The following SPG11 variants were observed in gnomAD, a reference collection of about 807,000 sequenced individuals.
The protein encoded by SPG11 is spatacsin.
SPG11 carries 222 observed loss-of-function variants against 274.0 expected under a neutral mutation model. That is an observed-to-expected ratio of 0.81 (90% CI 0.73 to 0.91). The LOEUF (loss-of-function observed/expected upper bound fraction) is 0.91, where lower values mean the gene tolerates loss of function less well. Ranked by LOEUF, SPG11 falls within the 40% of genes least tolerant of loss-of-function variation. The pLI is 0.00. For missense variants in SPG11, 3,114 were observed against 2,872.7 expected (o/e 1.08, Z -1.92); for synonymous variants, 1,144 against 1,039.7 (o/e 1.10, Z -1.93).
At chr15:44,573,379 A>G in intron 32 of SPG11, 168 bp downstream of exon 32, 1 of 717,258 alleles carries the variant, frequency 1.4e-6, no homozygotes, top group African/African-American at 1.8e-5. Flanking sequence ...TGTATTTTGT[A>G]AAAAATAAAG....
intron 2 of SPG11, among the ~76,000 whole-genome samples, chr15:44,659,998 T>C (rs368079031): frequency 4.6e-5 from 7 of 152,254 alleles, no homozygotes; most frequent in African/African-American, 1.4e-4. Flanking sequence ...GAGGCGAAGG[T>C]TGCAGTGAGC....
In SPG11 at chr15:44,595,466, C is replaced by T. The variant is rs199685245; in HGVS notation, c.4435-7G>A. 18 of 1,613,588 alleles carry T rather than the reference C, an allele frequency of 1.1e-5. No individual in the cohort carries two copies. Among genetic ancestry groups the T allele is most frequent in the East Asian group, 2.2e-5 (1 of 44,880 alleles). ...AAGAAATGGCACTGGCACCCTGCCA[C>T]GGGATAAATAAAATAACAACTAGGC... is the stretch of plus-strand genomic sequence containing the variant. On this transcript the variant is annotated splice_polypyrimidine_tract_variant and splice_region_variant and intron_variant, in intron 25 of 39. Coordinates refer to ENST00000261866, the MANE Select transcript of SPG11 (RefSeq NM_025137.4).
chr15:44,598,665 T>C lies in SPG11; in HGVS notation c.3858A>G (p.Glu1286=). The C allele has an allele frequency of 1.2e-6, 2 of 1,614,216 alleles. No individual in the cohort carries two copies. The highest frequency in any genetic ancestry group is 1.7e-6 in the Non-Finnish European group (2 of 1,180,040). The change falls in exon 22 of 40, where the codon GAA becomes GAG. Residue 1286 remains glutamate, a synonymous_variant. Transcript: ENST00000261866. ...CTCTGATAAAGCTGTACTGAGCATC[T>C]TCATTTCTGCACTTGTAGCTCAAAA... ...NIILSYKCRN[E]DAQYSFIRES...
rs771538317 is a variant in SPG11, at chr15:44,615,505, G to T, written c.2896C>A (p.Arg966Ser). 1.2e-6 allele frequency: 2 copies of T among 1,613,980 alleles called. No individual in the cohort carries two copies. Among genetic ancestry groups the T allele is most frequent in the Non-Finnish European group, 1.7e-6 (2 of 1,179,988 alleles). ...DFECFLLRLS[R>S]IGGVIQDTLP... ...GTATCCTGTATTACACCTCCAATAC[G>T]GCTCAGTCTTAGGAGGAAGCATTCA... is the stretch of plus-strand genomic sequence containing the variant. The change falls in exon 16 of 40, where the codon CGT (arginine) becomes AGT (serine). Residue 966 changes from arginine to serine, a missense_variant. Arg to Ser is a moderately radical substitution (Grantham distance 110, BLOSUM62 -1). Coordinates refer to ENST00000261866, the MANE Select transcript of SPG11 (RefSeq NM_025137.4).
At chr15:44,610,720 A>G in intron 18 of SPG11, 120 bp downstream of exon 18, 2 of 1,062,862 alleles carry the variant, frequency 1.9e-6, no homozygotes, top group East Asian at 5.2e-5. Flanking sequence ...TCTGCTCTTT[A>G]ATCTAATGAA....
Position 44,563,300 on chromosome 15 carries a change from A to G in SPG11, c.7153T>C (p.Tyr2385His), listed in dbSNP as rs1386550783. The change falls in exon 40 of 40, where the codon TAT (tyrosine) becomes CAT (histidine). Residue 2385 changes from tyrosine to histidine, a missense_variant and splice_region_variant. Coordinates refer to ENST00000261866, the MANE Select transcript of SPG11 (RefSeq NM_025137.4). The stretch of plus-strand genomic sequence containing the variant: ...ATGTCAGTAGGCTGATGTTGTTTAT[A>G]TCTAGATAAAGAAACATAATGTACA... ...SSIFEEISKK[Y>H]KQHQPTDMVM... 4 of 1,611,592 alleles carry G rather than the reference A, an allele frequency of 2.5e-6. No individual in the cohort carries two copies. Among genetic ancestry groups the G allele is most frequent in the Non-Finnish European group, 3.4e-6 (4 of 1,177,942 alleles).
Position 44,657,092 on chromosome 15 carries a change from T to C in SPG11, c.869+3A>G. On this transcript the variant is annotated splice_donor_region_variant and intron_variant, in intron 4 of 39. Coordinates refer to ENST00000261866, the MANE Select transcript of SPG11 (RefSeq NM_025137.4). ...AAATTAGAAACTGCAGTCATCTACA[T>C]ACCTGAAATACAAATTTAAGTTAAG... 3 of 1,613,488 alleles carry C rather than the reference T, an allele frequency of 1.9e-6. No individual in the cohort carries two copies. The highest frequency in any genetic ancestry group is 1.3e-5 in the African/African-American group (1 of 75,038).
Position 44,615,416 on chromosome 15 carries a change from A to C in SPG11, c.2985T>G (p.Tyr995Ter). 1.2e-6 allele frequency: 2 copies of C among 1,614,114 alleles called. No homozygotes were observed. The highest frequency in any genetic ancestry group is 1.7e-6 in the Non-Finnish European group (2 of 1,180,006). Residue 995 changes from tyrosine (Y) to a stop codon, truncating the protein, a stop_gained, in exon 16 of 40, where the codon TAT (tyrosine) becomes TAG (stop). Coordinates refer to ENST00000261866, the MANE Select transcript of SPG11 (RefSeq NM_025137.4). LOFTEE classifies it high-confidence loss of function. ...GATGCTGCAGACTGTGCTCCAAACA[A>C]TAGAGAATGAATTGAGAATGGAAAT... ...GWDFHSQFIL[Y>*]CLEHSLQHLL...
chr15:44,625,010 C>T (rs2083858687), intron 11 of SPG11, among the ~76,000 whole-genome samples: 1 of 151,884 alleles, frequency 6.6e-6, no homozygotes. Flanking sequence ...GTGGCGCATG[C>T]TGTAAACCCA....
chr15:44,598,243 G>T, intron 23 of SPG11, 22 bp downstream of exon 23: 1 of 1,567,674 alleles, frequency 6.4e-7, no homozygotes, highest in South Asian at 1.1e-5. Flanking sequence ...TAGAAAAGAG[G>T]CTGAGACTGC....
chr15:44,597,040 T>C (rs532905545), intron 23 of SPG11, 97 bp from the exon 24 acceptor site: 10 of 1,174,112 alleles, frequency 8.5e-6, no homozygotes, highest in Non-Finnish European at 1.2e-5. Flanking sequence ...AAAAATGATA[T>C]AAATTAAAGC....
intron 7 of SPG11, among the ~76,000 whole-genome samples, chr15:44,646,817 C>T (rs1203841937): frequency 6.6e-6 from 1 of 151,994 alleles, no homozygotes; most frequent in Non-Finnish European, 1.5e-5. Context: ...GACACTGGGG[C>T]TTACTTGAGG....
chr15:44,598,957 C>T, intron 21 of SPG11, 121 bp from the exon 22 acceptor site: 1 of 1,005,594 alleles, frequency 9.9e-7, no homozygotes, highest in Non-Finnish European at 1.5e-6. Context: ...GGCCTCCTCT[C>T]CCTTACCTTT....
At chr15:44,604,199 T>TAAAA in intron 20 of SPG11, 5 of 357,328 alleles carry the variant, frequency 1.4e-5, no homozygotes, top group Non-Finnish European at 2.2e-5. Flanking sequence ...ACCTGATTCC[T>TAAAA]AAAAAAAAAA....
chr15:44,567,325 T>C, intron 36 of SPG11, 99 bp downstream of exon 36: 2 of 1,346,454 alleles, frequency 1.5e-6, no homozygotes, highest in Non-Finnish European at 2.0e-6. Context: ...CACTCCAGCC[T>C]GGGGACAGAG....
intron 20 of SPG11, among the ~76,000 whole-genome samples, chr15:44,604,667 G>A (rs2083274604): frequency 6.6e-6 from 1 of 151,996 alleles, no homozygotes; most frequent in African/African-American, 2.4e-5. Context: ...GGTGGCTCAC[G>A]CCTGTAATCC....
intron 26 of SPG11, 89 bp downstream of exon 26, chr15:44,595,170 A>C: frequency 7.5e-7 from 1 of 1,336,892 alleles, no homozygotes. Context: ...CTAAAAAAAA[A>C]TCCAGGGATG....
At chr15:44,570,174 GACTT>G (rs970921370) in intron 34 of SPG11, among the ~76,000 whole-genome samples, 3 of 152,284 alleles carry the variant, frequency 2.0e-5, no homozygotes, top group Non-Finnish European at 2.9e-5. Flanking sequence ...CTGAGTTGCC[GACTT>G]ACTTCAATTC....
intron 7 of SPG11, among the ~76,000 whole-genome samples, chr15:44,647,234 T>G (rs2084635163): frequency 6.6e-6 from 1 of 152,222 alleles, no homozygotes; most frequent in Non-Finnish European, 1.5e-5. Flanking sequence ...CCATTTCATT[T>G]TGACTTCACA....
Sources: allele counts gnomAD v4.1 joint callset (sites outside exome capture counted in the v4.1 genomes callset), GRCh38; gene constraint gnomAD v4.1.1; transcripts MANE v1.5; gene names NCBI Gene and HGNC (gene_info 2026-07-23, HGNC 2026-07-21).